DOT1L: variants seen among roughly 807,000 people sequenced by gnomAD.
DOT1L encodes histone-lysine N-methyltransferase, H3 lysine-79 specific.
DOT1L carries 33 observed loss-of-function variants against 153.3 expected under a neutral mutation model. The ratio of observed to expected loss-of-function variants is 0.22; its 90% CI spans 0.16 to 0.29. The LOEUF (loss-of-function observed/expected upper bound fraction) is 0.29, where lower values mean the gene tolerates loss of function less well. Among genes scored for constraint, DOT1L ranks in the 10% least tolerant of loss-of-function variants. DOT1L has a pLI of 1.00. For synonymous variants in DOT1L, 1,135 were observed against 965.1 expected (o/e 1.18, Z -3.26); for missense variants, 1,847 against 2,119.9 (o/e 0.87, Z 2.53).
chr19:2,220,640 C>T lies in DOT1L; in HGVS notation c.2806+418C>T, dbSNP rs1372277734. The T allele has an allele frequency of 1.7e-5, 7 of 415,746 alleles. No homozygotes were observed. Among genetic ancestry groups the T allele is most frequent in the Non-Finnish European group, 2.9e-5 (6 of 205,336 alleles). 25.8% of individuals were successfully genotyped at this position (415,746 alleles called of 1,614,324 possible). ...GGTTTCTGGTTCCTTGAGAAGGTGC[C>T]GCCTGAGCAGTCTCTGCTGTTAGCC... On this transcript the variant is annotated intron_variant, in intron 23 of 27. Coordinates refer to ENST00000398665, the MANE Select transcript of DOT1L (RefSeq NM_032482.3). The surrounding 1 kb of genome is among the most constrained non-coding windows in gnomAD (Gnocchi z 4.5).
intron 8 of DOT1L, among the ~76,000 whole-genome samples, chr19:2,201,361 C>T (rs992214985): frequency 3.9e-5 from 6 of 151,958 alleles, no homozygotes; most frequent in Non-Finnish European, 8.8e-5. Flanking sequence ...CCCCGCTCCC[C>T]TCCTTCTCCC....
chr19:2,169,889 GC>G (rs1312180984), intron 1 of DOT1L, among the ~76,000 whole-genome samples: 2 of 152,198 alleles, frequency 1.3e-5, no homozygotes, highest in Non-Finnish European at 2.9e-5. Flanking sequence ...AGGCACGGTG[GC>G]TCATGCCTGT....
Position 2,193,587 on chromosome 19 carries a change from C to G in DOT1L, c.494-102C>G. The G allele has an allele frequency of 8.9e-7, 1 of 1,121,538 alleles. No individual in the cohort carries two copies. Among genetic ancestry groups the G allele is most frequent in the African/African-American group, 1.5e-5 (1 of 65,798 alleles). The allele number at this position is 1,121,538 out of a possible 1,614,324, so 69.5% of individuals were successfully genotyped here. A position where few individuals can be genotyped will look rare whatever the true frequency, so the allele number is the denominator to read the frequency against. ...GGAGACTGTGGCCTCCCCTGTGGGT[C>G]TTCATGGCCGCATTCTTGTGGCCTC... On this transcript the variant is annotated intron_variant, in intron 5 of 27. Transcript: ENST00000398665. The surrounding 1 kb of genome is among the most constrained non-coding windows in gnomAD (Gnocchi z 5.9).
At chr19:2,167,996 G>C in intron 1 of DOT1L, among the ~76,000 whole-genome samples, 1 of 152,074 alleles carries the variant, frequency 6.6e-6, no homozygotes, top group Non-Finnish European at 1.5e-5. Flanking sequence ...CGGCCTCCCA[G>C]AGTGCTGGGA....
intron 9 of DOT1L, 90 bp from the exon 10 acceptor site, chr19:2,206,639 G>A (rs1185649773): frequency 1.1e-5 from 14 of 1,302,084 alleles, no homozygotes; most frequent in African/African-American, 1.5e-5. Context: ...TGTGTGTTCC[G>A]TGTCATTGTT....
chr19:2,228,009 G>T (rs1318008667), intron 27 of DOT1L: 3 of 1,173,322 alleles, frequency 2.6e-6, no homozygotes, highest in Non-Finnish European at 3.2e-6. Context: ...ACCTAACGCC[G>T]CCTTGCCTCC....
Position 2,213,544 on chromosome 19 carries a change from G to A in DOT1L, c.1563G>A (p.Lys521=), listed in dbSNP as rs535251389. 1.5e-4 allele frequency: 249 copies of A among 1,612,696 alleles called. 1 individual carries two copies. The South Asian group carries it at 2.7e-3, about 17-fold the overall frequency. ...CTGCCCTGTTTGTCCTACAGGAGAA[G>A]AACGCCCAGCTCCTGGGTGCGGCTC... The part of the protein sequence containing the change: ...LQELLGQEKE[K]NAQLLGAAQQ... Residue 521 remains lysine (K), a synonymous_variant, in exon 17 of 28, where the codon AAG becomes AAA. Coordinates refer to ENST00000398665, the MANE Select transcript of DOT1L (RefSeq NM_032482.3).
intron 2 of DOT1L, among the ~76,000 whole-genome samples, chr19:2,183,726 A>C (rs1256566968): frequency 6.6e-6 from 1 of 151,548 alleles, no homozygotes; most frequent in Non-Finnish European, 1.5e-5. Flanking sequence ...TCCGGGGTTC[A>C]AGTGATTCTT....
rs1274135444 is a variant in DOT1L, at chr19:2,213,485, GGGCCCTCAGTCACCTGCCCT to G, written c.1558-47_1558-28del. The G allele has an allele frequency of 1.2e-4, 186 of 1,578,504 alleles. 2 individuals carry two copies. In the South Asian group the frequency reaches 1.9e-3, roughly 16 times the overall value. On this transcript the variant is annotated intron_variant, in intron 16 of 27. Coordinates refer to ENST00000398665, the MANE Select transcript of DOT1L (RefSeq NM_032482.3). The stretch of plus-strand genomic sequence containing the variant: ...GAGGCAGGGCGTGGGCCCTCCCTGT[GGGCCCTCAGTCACCTGCCCT>G]GGCCCTTAGTCACCTGCCCTGTTTG...
rs376474660 is a variant in DOT1L at position 2,220,219 on chromosome 19, G to A, written c.2803G>A (p.Ala935Thr). ...AGSRSLALAP[A>T]GFSYAGSVAI... ...GAGCAGAAGCCTTGCCCTGGCCCCC[G>A]CAGGTAACGCCCCTCCTGTGCCCTA... Residue 935 changes from alanine to threonine, a missense_variant, in exon 23 of 28, where the codon GCA (alanine) becomes ACA (threonine). Around this residue, in one of 8 missense-constraint regions of DOT1L, gnomAD observed 68 missense variants for 80.7 expected, o/e 0.84. Coordinates refer to ENST00000398665, the MANE Select transcript of DOT1L (RefSeq NM_032482.3). This position sits in a 1 kb window ranked among gnomAD's most constrained non-coding sequence, Gnocchi z 4.5. The A allele has an allele frequency of 1.4e-5, 22 of 1,612,040 alleles. No homozygotes were observed. The highest frequency in any genetic ancestry group is 2.2e-5 in the East Asian group (1 of 44,842).
chr19:2,185,597 G>A lies in DOT1L; in HGVS notation c.126-258G>A, dbSNP rs561806758. ...CAGCCTTGCCAAAATGGCCTAACCC[G>A]GTCTCTACTAAAAATACAAAAATTA... On this transcript the variant is annotated intron_variant, in intron 2 of 27. Transcript: ENST00000398665. 2.6e-5 allele frequency among the ~76,000 whole-genome samples: 4 copies of A among 152,068 alleles called. No individual in the cohort carries two copies. In the East Asian group the frequency reaches 5.8e-4, roughly 22 times the overall value.
At position 2,181,756 on chromosome 19, in the gene DOT1L, G is replaced by GCCCAGCACCAGC. The variant is rs950369998; in HGVS notation, c.125+1007_125+1018dup. 2.3e-3 allele frequency among the ~76,000 whole-genome samples: 335 copies of GCCCAGCACCAGC among 147,606 alleles called. 2 individuals carry two copies. The highest frequency in any genetic ancestry group is 7.8e-3 in the African/African-American group (309 of 39,398). ...GCAGCTGGACCCCAGCCCAGCCCCC[G>GCCCAGCACCAGC]CCCAGCACCAGCCCCAGCCCCAGCC... On this transcript the variant is annotated intron_variant, in intron 2 of 27. Coordinates refer to ENST00000398665, the MANE Select transcript of DOT1L (RefSeq NM_032482.3).
In DOT1L at chr19:2,167,467, C is replaced by T. The variant is rs117459786; in HGVS notation, c.81+3202C>T. 8.1e-3 allele frequency among the ~76,000 whole-genome samples: 1,233 copies of T among 152,308 alleles called. 9 individuals carry two copies. The highest frequency in any genetic ancestry group is 0.013 in the Non-Finnish European group (893 of 68,022). ...TAGTAAGGGCGAGAGCTGGCGGGAG[C>T]GGGCTTTCTAGTGGTGGGCGGGACT... On this transcript the variant is annotated intron_variant, in intron 1 of 27. Coordinates refer to ENST00000398665, the MANE Select transcript of DOT1L (RefSeq NM_032482.3).
intron 22 of DOT1L, among the ~76,000 whole-genome samples, chr19:2,218,253 C>T (rs1307901151): frequency 6.6e-6 from 1 of 152,224 alleles, no homozygotes; most frequent in African/African-American, 2.4e-5. Context: ...ACAGCTGCCT[C>T]TGGGTTCTCC....
Position 2,230,058 on chromosome 19 carries a change from G to A in DOT1L, c.*266G>A, listed in dbSNP as rs1402355078. ...ATTTTATTCCATCTAAGTGGTAAAAGGCAACTTATTGAGAAATATAAATAT... is the reference window on the plus strand; with the variant it reads ...ATTTTATTCCATCTAAGTGGTAAAAAGCAACTTATTGAGAAATATAAATAT... On this transcript the variant is annotated 3_prime_UTR_variant, in exon 28 of 28. Transcript: ENST00000398665. 3 of 608,212 alleles carry A rather than the reference G, an allele frequency of 4.9e-6. No individual in the cohort carries two copies. Among genetic ancestry groups the A allele is most frequent in the South Asian group, 2.1e-5 (1 of 47,682 alleles). 37.7% of individuals were successfully genotyped at this position (608,212 alleles called of 1,614,324 possible).
intron 16 of DOT1L, 73 bp from the exon 17 acceptor site, chr19:2,213,466 G>A (rs2023783326): frequency 1.4e-6 from 2 of 1,474,578 alleles, no homozygotes; most frequent in Non-Finnish European, 9.4e-7. Context: ...ATGAGAGGCA[G>A]GGCGTGGGCC....
rs1294685607 is a variant in DOT1L at position 2,216,396 on chromosome 19, G to C, written c.2039G>C (p.Gly680Ala). 6.2e-7 allele frequency: 1 copy of C among 1,612,392 alleles called. No homozygotes were observed. Among genetic ancestry groups the C allele is most frequent in the Non-Finnish European group, 8.5e-7 (1 of 1,179,844 alleles). Residue 680 changes from glycine (G) to alanine (A), a missense_variant, in exon 20 of 28, where the codon GGC becomes GCC. By Grantham distance (60) the Gly-to-Ala change is moderately conservative. Around this residue, in one of 8 missense-constraint regions of DOT1L, gnomAD observed 281 missense variants for 263.6 expected, o/e 1.07. Coordinates refer to ENST00000398665, the MANE Select transcript of DOT1L (RefSeq NM_032482.3). ...CACCTGCGTGGGAAGGGCGCCCTGG[G>C]CCGCGAGCTGGAGCCTGACGCCAGC... ...SLHLRGKGAL[G>A]RELEPDASRL...
chr19:2,202,244 G>A (rs1301776169), intron 8 of DOT1L, among the ~76,000 whole-genome samples: 1 of 152,182 alleles, frequency 6.6e-6, no homozygotes, highest in Non-Finnish European at 1.5e-5. Context: ...TGCTGCCAAG[G>A]GCGCCTCACC....
At chr19:2,227,170 G>T (rs778858462) in intron 27 of DOT1L, 43 bp downstream of exon 27, 15 of 1,575,020 alleles carry the variant, frequency 9.5e-6, no homozygotes, top group East Asian at 6.9e-5. Flanking sequence ...CCCGGCCCCC[G>T]CCGGAGGCCC....
Sources: gnomAD v4.1 joint callset for allele counts (sites outside exome capture counted in the v4.1 genomes callset) on GRCh38, gnomAD v4.1.1 for gene constraint, gnomAD v4.1.1 regional missense constraint, Gnocchi (gnomAD v3.1) non-coding constraint, MANE v1.5 for transcripts, NCBI Gene and HGNC (gene_info 2026-07-23, HGNC 2026-07-21) for gene names.